Variants in GPRC5C observed in about 807,000 individuals in gnomAD.
The protein encoded by GPRC5C is G protein-coupled receptor family C group 5 member C.
GPRC5C carries 22 observed loss-of-function variants against 31.4 expected under a neutral mutation model. The observed-to-expected ratio is 0.70, with a 90% CI of 0.50 to 1.00. GPRC5C has a LOEUF of 1.00. Ranked by LOEUF, GPRC5C falls within the 50% of genes least tolerant of loss-of-function variation. GPRC5C has a pLI of 0.00. For synonymous variants in GPRC5C, 249 were observed against 257.5 expected (o/e 0.97, Z 0.32); for missense variants, 557 against 597.2 (o/e 0.93, Z 0.70).
At chr17:74,445,751 C>T (rs2055616857) in intron 3 of GPRC5C, 1 of 152,138 alleles carries the variant, frequency 6.6e-6, no homozygotes, top group Admixed American at 6.6e-5. Flanking sequence ...ATACACCTTT[C>T]CTCCAGCATA....
Position 74,446,918 on chromosome 17 carries a change from T to A in GPRC5C, c.1216T>A (p.Ser406Thr), listed in dbSNP as rs1348382844. 3.1e-6 allele frequency: 5 copies of A among 1,613,964 alleles called. No homozygotes were observed. Among genetic ancestry groups the A allele is most frequent in the Non-Finnish European group, 4.2e-6 (5 of 1,179,974 alleles). ...CAGCCAGGTGATGGGCAGTGCCAAC[T>A]CGACCCTGCGGGCTGAAGACATGTA... ...ANSQVMGSAN[S>T]TLRAEDMYSA... Residue 406 changes from serine (S) to threonine (T), a missense_variant, in exon 4 of 4, where the codon TCG becomes ACG. Ser to Thr is a moderately conservative substitution (Grantham distance 58). Coordinates refer to ENST00000392627, the MANE Select transcript of GPRC5C (RefSeq NM_022036.4).
At chr17:74,436,549 A>T (rs921329165) in intron 1 of GPRC5C, among the ~76,000 whole-genome samples, 1 of 152,020 alleles carries the variant, frequency 6.6e-6, no homozygotes, top group African/African-American at 2.4e-5. Flanking sequence ...TACCTACCTT[A>T]TCTCTCTTGA....
rs1374245744 is a variant in GPRC5C, at chr17:74,432,112, C to G, written c.-62C>G. 1.9e-5 allele frequency: 30 copies of G among 1,613,384 alleles called. No homozygotes were observed. In the Middle Eastern group the frequency reaches 4.9e-4, roughly 27 times the overall value. ...CAGAAACTCCCATCTCCCTCACCAG[C>G]CGGAAAGTACGAGTCGGCTCAGCCT... On this transcript the variant is annotated 5_prime_UTR_variant, in exon 1 of 4. Coordinates refer to ENST00000392627, the MANE Select transcript of GPRC5C (RefSeq NM_022036.4).
chr17:74,439,139 G>A (rs528925649), intron 1 of GPRC5C, among the ~76,000 whole-genome samples: 2 of 152,196 alleles, frequency 1.3e-5, no homozygotes, highest in East Asian at 3.9e-4. Context: ...TTCCGAGCTA[G>A]GCAAAAAATG....
rs2144436614 is a variant in GPRC5C at position 74,443,601 on chromosome 17, C to T, written c.1052-217C>T. 5.8e-6 allele frequency: 4 copies of T among 684,866 alleles called. No homozygotes were observed. The East Asian group carries it at 1.1e-4, about 19-fold the overall frequency. 42.4% of individuals were successfully genotyped at this position (684,866 alleles called of 1,614,324 possible). On this transcript the variant is annotated intron_variant, in intron 2 of 3. Transcript: ENST00000392627. The stretch of plus-strand genomic sequence containing the variant: ...GAAGCTCAGCAGTGTTGTTCACTCC[C>T]ATGCATCTGTACAAAGGGGTGCTAG...
downstream of GPRC5C, among the ~76,000 whole-genome samples, chr17:74,447,637 G>A (rs904077287): frequency 1.8e-4 from 28 of 152,196 alleles, no homozygotes; most frequent in Admixed American, 2.0e-4. Flanking sequence ...TATTGTGTGC[G>A]ATCAGAATGA....
Position 74,446,883 on chromosome 17 carries a change from C to T in GPRC5C, c.1181C>T (p.Ala394Val), listed in dbSNP as rs748573882. The T allele has an allele frequency of 1.2e-6, 2 of 1,613,752 alleles. No individual in the cohort carries two copies. The highest frequency in any genetic ancestry group is 1.7e-6 in the Non-Finnish European group (2 of 1,179,704). ...EGAYDIILPR[A>V]TANSQVMGSA... ...GCTTACGACATCATCCTCCCACGGG[C>T]CACCGCCAACAGCCAGGTGATGGGC... The change falls in exon 4 of 4, where the codon GCC (alanine) becomes GTC (valine). Residue 394 changes from alanine to valine, a missense_variant. Physicochemically the swap from Ala to Val is moderately conservative, Grantham distance 64 (BLOSUM62 0). Coordinates refer to ENST00000392627, the MANE Select transcript of GPRC5C (RefSeq NM_022036.4).
chr17:74,449,466 G>A, downstream of GPRC5C: 5 of 759,422 alleles, frequency 6.6e-6, no homozygotes, highest in Non-Finnish European at 1.0e-5. Flanking sequence ...CATTGGAGCT[G>A]GGAGGGGCCG....
rs778301166 is a variant in GPRC5C at position 74,440,110 on chromosome 17, G to A, written c.334G>A (p.Asp112Asn). The A allele has an allele frequency of 2.0e-5, 33 of 1,613,946 alleles. No individual in the cohort carries two copies. The highest frequency in any genetic ancestry group is 5.0e-5 in the Admixed American group (3 of 60,014). The change falls in exon 2 of 4, where the codon GAC becomes AAC. Residue 112 changes from aspartate (D) to asparagine (N), a missense_variant. By Grantham distance (23) the Asp-to-Asn change is conservative. Coordinates refer to ENST00000392627, the MANE Select transcript of GPRC5C (RefSeq NM_022036.4). This position sits in a 1 kb window ranked among gnomAD's most constrained non-coding sequence, Gnocchi z 4.4. ...CGTGTTTGCCTGTGTGGTGAAGCCC[G>A]ACTTCTCCACCTGTGCCTCTCGGCG... is the stretch of plus-strand genomic sequence containing the variant. ...CLVFACVVKPDFSTCASRRFL... is the reference protein window; with the variant it reads ...CLVFACVVKPNFSTCASRRFL...
At chr17:74,436,144 C>T (rs986027941) in intron 1 of GPRC5C, among the ~76,000 whole-genome samples, 1 of 152,236 alleles carries the variant, frequency 6.6e-6, no homozygotes, top group Admixed American at 6.5e-5. Flanking sequence ...ACCCCTGTAG[C>T]ATTTCCAATG....
At chr17:74,443,489 C>T (rs759477345) in intron 2 of GPRC5C, 19 of 471,590 alleles carry the variant, frequency 4.0e-5, no homozygotes, top group Middle Eastern at 3.8e-4. Context: ...TGGCCTCTGG[C>T]CCCGGAGGGC....
At position 74,440,870 on chromosome 17, in the gene GPRC5C, C is replaced by T. The variant is rs377143318; in HGVS notation, c.1051+43C>T. The T allele has an allele frequency of 3.1e-5, 44 of 1,431,218 alleles. No homozygotes were observed. In the African/African-American group the frequency reaches 4.3e-4, roughly 14 times the overall value. 88.7% of individuals were successfully genotyped at this position (1,431,218 alleles called of 1,614,324 possible). ...CCCCCAGTGGCCCCTTTCTCCATCCCATGTCTTTTACTGCAGGACAGGGAG... is the reference window on the plus strand; with the variant it reads ...CCCCCAGTGGCCCCTTTCTCCATCCTATGTCTTTTACTGCAGGACAGGGAG... On this transcript the variant is annotated intron_variant, in intron 2 of 3. Transcript: ENST00000392627. The surrounding 1 kb of genome is among the most constrained non-coding windows in gnomAD (Gnocchi z 4.4).
At chr17:74,442,546 C>T (rs1327325804) in intron 2 of GPRC5C, among the ~76,000 whole-genome samples, 1 of 152,206 alleles carries the variant, frequency 6.6e-6, no homozygotes, top group East Asian at 1.9e-4. Context: ...TGACCCTGCC[C>T]CCAGACTGTG....
chr17:74,438,178 G>A (rs1384036874), intron 1 of GPRC5C, among the ~76,000 whole-genome samples: 2 of 136,548 alleles, frequency 1.5e-5, no homozygotes, highest in Admixed American at 7.6e-5. Flanking sequence ...CAGACTACAG[G>A]TGCATGCCAC....
chr17:74,442,492 C>T (rs1432518486), intron 2 of GPRC5C, among the ~76,000 whole-genome samples: 1 of 152,192 alleles, frequency 6.6e-6, no homozygotes, highest in Non-Finnish European at 1.5e-5. Flanking sequence ...TGCAGCCCCT[C>T]ATCTGACATG....
chr17:74,436,349 G>T (rs1472547804), intron 1 of GPRC5C, among the ~76,000 whole-genome samples: 1 of 152,106 alleles, frequency 6.6e-6, no homozygotes, highest in Admixed American at 6.6e-5. Flanking sequence ...GCTTTTGGGT[G>T]TCCCTGTCTC....
chr17:74,448,059 AG>A (rs2144455979), downstream of GPRC5C, among the ~76,000 whole-genome samples: 1 of 152,344 alleles, frequency 6.6e-6, no homozygotes, highest in Non-Finnish European at 1.5e-5. Context: ...CTGTAATTCC[AG>A]CACTTTGGGA....
chr17:74,446,994 C>G lies in GPRC5C; in HGVS notation c.1292C>G (p.Ser431Cys), dbSNP rs1471262881. The G allele has an allele frequency of 3.7e-6, 6 of 1,614,174 alleles. No individual in the cohort carries two copies. The highest frequency in any genetic ancestry group is 5.1e-6 in the Non-Finnish European group (6 of 1,179,976). ...AATPPKDGKN[S>C]QVFRNPYVWD is the part of the protein sequence containing the mutation. ...ACACCGCCGAAAGACGGCAAGAACT[C>G]TCAGGTCTTTAGAAACCCCTACGTG... is the stretch of plus-strand genomic sequence containing the variant. Residue 431 changes from serine to cysteine, a missense_variant, in exon 4 of 4, where the codon TCT becomes TGT. Ser to Cys is a moderately radical substitution (Grantham distance 112). Coordinates refer to ENST00000392627, the MANE Select transcript of GPRC5C (RefSeq NM_022036.4).
At chr17:74,442,548 C>A (rs1210892001) in intron 2 of GPRC5C, among the ~76,000 whole-genome samples, 2 of 152,226 alleles carry the variant, frequency 1.3e-5, no homozygotes, top group African/African-American at 4.8e-5. Context: ...ACCCTGCCCC[C>A]AGACTGTGCT....
Sources: allele counts gnomAD v4.1 joint callset (sites outside exome capture counted in the v4.1 genomes callset), GRCh38; gene constraint gnomAD v4.1.1; non-coding constraint Gnocchi (gnomAD v3.1); transcripts MANE v1.5; gene names NCBI Gene and HGNC (gene_info 2026-07-23, HGNC 2026-07-21).